TTN: variants seen among roughly 807,000 people sequenced by gnomAD.
TTN encodes the protein titin.
Under a neutral mutation model 3,223.0 loss-of-function variants are expected in TTN, and 1,525 were observed. The observed-to-expected ratio is 0.47, with a 90% confidence interval of 0.45 to 0.49. TTN has a LOEUF of 0.49. TTN is among the 20% of genes least tolerant of loss of function. The pLI is 0.00. For synonymous variants in TTN, 14,094 were observed against 15,161.0 expected (o/e 0.93, Z 5.17); for missense variants, 40,786 against 43,424.0 (o/e 0.94, Z 5.40).
chr2:178,531,058 A>G lies in TTN; in HGVS notation c.105557T>C (p.Phe35186Ser), dbSNP rs758159045. Residue 35186 changes from phenylalanine to serine, a missense_variant, in exon 358 of 363, where the codon TTT (phenylalanine) becomes TCT (serine). Transcript: ENST00000589042. ...QVTTTKYKST[F>S]EISSVQASDE... is the part of the protein sequence containing the mutation. The stretch of plus-strand genomic sequence containing the variant: ...GGAAGCCTGGACTGAAGAGATCTCA[A>G]AGGTTGATTTGTACTTTGTGGTGGT... The G allele has an allele frequency of 6.2e-6, 10 of 1,613,844 alleles. No homozygotes were observed. Among genetic ancestry groups the G allele is most frequent in the South Asian group, 5.5e-5 (5 of 91,052 alleles).
intron 294 of TTN, among the ~76,000 whole-genome samples, chr2:178,596,079 T>G (rs1423926734): frequency 1.3e-5 from 2 of 149,080 alleles, no homozygotes; most frequent in Non-Finnish European, 3.0e-5. Context: ...CAACCTCCGC[T>G]TCCCAGGTTC....
chr2:178,772,950 G>A (rs2091745089), intron 33 of TTN, 159 bp downstream of exon 33: 5 of 855,462 alleles, frequency 5.8e-6, no homozygotes, highest in Non-Finnish European at 9.0e-6. Context: ...TTGTAATTTA[G>A]GCTGGTGGGA....
chr2:178,526,141 A>G lies in TTN; in HGVS notation c.*871T>C, dbSNP rs1435310857. 1 of 152,686 alleles carries G rather than the reference A, an allele frequency of 6.5e-6. No homozygotes were observed. Among genetic ancestry groups the G allele is most frequent in the African/African-American group, 2.4e-5 (1 of 41,470 alleles). The allele number at this position is 152,686 out of a possible 1,614,324, so 9.5% of individuals were successfully genotyped here. A position where few individuals can be genotyped will look rare whatever the true frequency, so the allele number is the denominator to read the frequency against. On this transcript the variant is annotated 3_prime_UTR_variant, in exon 363 of 363. Coordinates refer to ENST00000589042, the MANE Select transcript of TTN (RefSeq NM_001267550.2). ...GTAATATTGTTTAAAATTTAACAAC[A>G]GCTTTATTTTGTTGTTGTTCTTTAC...
At chr2:178,673,411 G>A (rs1308536423) in intron 152 of TTN, among the ~76,000 whole-genome samples, 1 of 151,686 alleles carries the variant, frequency 6.6e-6, no homozygotes, top group Non-Finnish European at 1.5e-5. Context: ...AAAATTCTCA[G>A]TTAAGAAGCT....
Position 178,528,889 on chromosome 2 carries a change from C to G in TTN, c.106862G>C (p.Gly35621Ala). 6.2e-7 allele frequency: 1 copy of G among 1,614,004 alleles called. No individual in the cohort carries two copies. The highest frequency in any genetic ancestry group is 8.5e-7 in the Non-Finnish European group (1 of 1,179,880). Residue 35621 changes from glycine to alanine, a missense_variant, in exon 360 of 363, where the codon GGT becomes GCT. Coordinates refer to ENST00000589042, the MANE Select transcript of TTN (RefSeq NM_001267550.2). ...GTTGGCTTTTAAAACCAGTCTTTGA[C>G]CTTCGTTTATGCTCATCTGAGTAGA... ...AFSTQMSINEGQRLVLKANIA... is the reference protein window; with the variant it reads ...AFSTQMSINEAQRLVLKANIA...
chr2:178,803,302 G>A (rs1266339587), intron 2 of TTN, among the ~76,000 whole-genome samples: 1 of 152,068 alleles, frequency 6.6e-6, no homozygotes, highest in African/African-American at 2.4e-5. Flanking sequence ...TAGTTTGAAG[G>A]AACAAGAAGA....
At chr2:178,753,266 T>C in intron 46 of TTN, 86 bp from the exon 47 acceptor site, 1 of 1,108,784 alleles carries the variant, frequency 9.0e-7, no homozygotes, top group Non-Finnish European at 1.3e-6. Context: ...GATTAAAGTT[T>C]TCTTTTTATT....
Position 178,733,419 on chromosome 2 carries a change from G to A in TTN, c.15874C>T (p.Pro5292Ser). 1 of 1,613,734 alleles carries A rather than the reference G, an allele frequency of 6.2e-7. No homozygotes were observed. Among genetic ancestry groups the A allele is most frequent in the Non-Finnish European group, 8.5e-7 (1 of 1,179,792 alleles). ...GGTCTCCCATCTTTGTACCATTTGG[G>A]CTTCAGTTCTGGCGTGCCTGCCACT... is the stretch of plus-strand genomic sequence containing the variant. The part of the protein sequence containing the change: ...YTVAGTPELK[P>S]KWYKDGRPLV... Residue 5292 changes from proline (P) to serine (S), a missense_variant, in exon 54 of 363, where the codon CCC (proline) becomes TCC (serine). Transcript: ENST00000589042.
intron 234 of TTN, 48 bp from the exon 235 acceptor site, chr2:178,632,840 G>C: frequency 6.2e-7 from 1 of 1,612,234 alleles, no homozygotes; most frequent in Non-Finnish European, 8.5e-7. Flanking sequence ...TTCCATTGAT[G>C]ACCCTTGATC....
At chr2:178,586,869 T>A in intron 307 of TTN, 62 bp from the exon 308 acceptor site, 1 of 1,575,288 alleles carries the variant, frequency 6.3e-7, no homozygotes, top group Non-Finnish European at 8.6e-7. Context: ...CCTTTGTTAA[T>A]GTACATAAGA....
rs761555504 is a variant in TTN at position 178,768,783 on chromosome 2, G to T, written c.9053C>A (p.Thr3018Asn). 1.2e-6 allele frequency: 2 copies of T among 1,613,944 alleles called. No individual in the cohort carries two copies. Among genetic ancestry groups the T allele is most frequent in the South Asian group, 2.2e-5 (2 of 91,066 alleles). ...IKSTDKCQMRTKKLTHSLNIR... is the reference protein window; with the variant it reads ...IKSTDKCQMRNKKLTHSLNIR... ...GTTCAGTGAGTGTGTGAGCTTTTTG[G>T]TTCTCATCTGGCACTTGTCAGTTGA... Residue 3018 changes from threonine (T) to asparagine (N), a missense_variant, in exon 38 of 363, where the codon ACC becomes AAC. Physicochemically the swap from Thr to Asn is moderately conservative, Grantham distance 65. Coordinates refer to ENST00000589042, the MANE Select transcript of TTN (RefSeq NM_001267550.2).
At position 178,767,861 on chromosome 2, in the gene TTN, A is replaced by C. The variant is rs397517785; in HGVS notation, c.9369T>G (p.Asp3123Glu). 5.0e-6 allele frequency: 8 copies of C among 1,614,018 alleles called. No homozygotes were observed. In the South Asian group the frequency reaches 7.7e-5, roughly 16 times the overall value. ...RLLIPSTRMSDAGKYTVVAGG... is the reference protein window; with the variant it reads ...RLLIPSTRMSEAGKYTVVAGG... ...CTGCCACCACTGTGTACTTCCCAGC[A>C]TCAGACATCCGGGTGGATGGGATCA... The change falls in exon 40 of 363, where the codon GAT (aspartate) becomes GAG (glutamate). Residue 3123 changes from aspartate (D) to glutamate (E), a missense_variant. Physicochemically the swap from Asp to Glu is conservative, Grantham distance 45. Transcript: ENST00000589042.
At position 178,547,766 on chromosome 2, in the gene TTN, A is replaced by G. The variant is rs374887049; in HGVS notation, c.93860T>C (p.Phe31287Ser). Reference sequence around the variant, plus strand: ...ACCAGCTGTATTTTCCAGGGTCAAGAAGTATCTTCCAGAGTCACCTCTCAT... The same window carrying G: ...ACCAGCTGTATTTTCCAGGGTCAAGGAGTATCTTCCAGAGTCACCTCTCAT... ...DSMRGDSGRY[F>S]LTLENTAGVK... The change falls in exon 339 of 363, where the codon TTC (phenylalanine) becomes TCC (serine). Residue 31287 changes from phenylalanine to serine, a missense_variant. Phe to Ser is a radical substitution (Grantham distance 155). Coordinates refer to ENST00000589042, the MANE Select transcript of TTN (RefSeq NM_001267550.2). The G allele has an allele frequency of 1.1e-5, 17 of 1,613,776 alleles. No individual in the cohort carries two copies. The African/African-American group carries it at 2.3e-4, about 22-fold the overall frequency.
Position 178,773,540 on chromosome 2 carries a change from G to A in TTN, c.7516C>T (p.Arg2506Ter), listed in dbSNP as rs780415493. 2 of 1,613,984 alleles carry A rather than the reference G, an allele frequency of 1.2e-6. No homozygotes were observed. Among genetic ancestry groups the A allele is most frequent in the Non-Finnish European group, 1.7e-6 (2 of 1,179,964 alleles). The change falls in exon 32 of 363, where the codon CGA becomes TGA. Residue 2506 changes from arginine (R) to a stop codon, truncating the protein, a stop_gained. Coordinates refer to ENST00000589042, the MANE Select transcript of TTN (RefSeq NM_001267550.2). LOFTEE classifies it high-confidence loss of function. ...KGTKQRLVIN[R>*]THASDEGPYK... Reference sequence around the variant, plus strand: ...GGTCCTTCGTCTGAAGCATGAGTTCGGTTAATGACTAGTCGCTGTTTAGTA... The same window carrying A: ...GGTCCTTCGTCTGAAGCATGAGTTCAGTTAATGACTAGTCGCTGTTTAGTA...
intron 263 of TTN, among the ~76,000 whole-genome samples, chr2:178,613,480 A>G (rs1314844591): frequency 1.3e-5 from 2 of 151,984 alleles, no homozygotes; most frequent in African/African-American, 4.8e-5. Context: ...ATCTAATTAT[A>G]ATATCTATGA....
chr2:178,724,752 TTG>T lies in TTN; in HGVS notation c.20837-216_20837-215del, dbSNP rs200817020. 2.6e-3 allele frequency: 1,227 copies of T among 464,550 alleles called. 9 individuals carry two copies. Among genetic ancestry groups the T allele is most frequent in the African/African-American group, 0.023 (1,122 of 49,202 alleles). The allele number at this position is 464,550 out of a possible 1,614,324, so 28.8% of individuals were successfully genotyped here. ...TTCTTTTCAGTTTTTTCTTTATTTTTTGTTTTTCCCACCACTCTTGCTGTCGT... is the reference window on the plus strand; with the variant it reads ...TTCTTTTCAGTTTTTTCTTTATTTTTTTTTTCCCACCACTCTTGCTGTCGT... On this transcript the variant is annotated intron_variant, in intron 71 of 362. Transcript: ENST00000589042.
At chr2:178,553,859 CACACAGGTGAATATAGAAG>C (rs1575536283) in intron 333 of TTN, 36 bp downstream of exon 333, 2 of 1,560,266 alleles carry the variant, frequency 1.3e-6, no homozygotes, top group Non-Finnish European at 1.7e-6. Flanking sequence ...ACAATTTAGT[CACACAGGTGAATATAGAAG>C]ACACAGGTGA....
At chr2:178,650,557 A>G (rs149004603) in intron 209 of TTN, among the ~76,000 whole-genome samples, 194 bp downstream of exon 209, 30 of 152,266 alleles carry the variant, frequency 2.0e-4, no homozygotes, top group Middle Eastern at 3.4e-3. Context: ...GCTTACTATG[A>G]CTTATGTAGA....
chr2:178,542,800 G>A lies in TTN; in HGVS notation c.97054C>T (p.Arg32352Cys), dbSNP rs753874904. The A allele has an allele frequency of 2.2e-5, 35 of 1,613,620 alleles. No homozygotes were observed. The Admixed American group carries it at 2.3e-4, about 11-fold the overall frequency. ...TTAGTGTGAGTTTCAACTGTGACAC[G>A]CTCTGATTCTCTCAGTTTAGAACCA... ...FAGSKLRESE[R>C]VTVETHTKVA... is the part of the protein sequence containing the mutation. The change falls in exon 348 of 363, where the codon CGT becomes TGT. Residue 32352 changes from arginine to cysteine, a missense_variant. Arg to Cys is a radical substitution (Grantham distance 180, BLOSUM62 -3). Coordinates refer to ENST00000589042, the MANE Select transcript of TTN (RefSeq NM_001267550.2).
Sources: gnomAD v4.1 joint callset for allele counts (sites outside exome capture counted in the v4.1 genomes callset) on GRCh38, gnomAD v4.1.1 for gene constraint, MANE v1.5 for transcripts, NCBI Gene and HGNC (gene_info 2026-07-23, HGNC 2026-07-21) for gene names.